Variants in CRLF1 observed in about 807,000 individuals in gnomAD.
The protein encoded by CRLF1 is cytokine receptor like factor 1.
CRLF1 carries 36 observed loss-of-function variants against 48.9 expected under a neutral mutation model. The ratio of observed to expected loss-of-function variants is 0.74; its 90% CI spans 0.56 to 0.97. The LOEUF is 0.97. Ranked by LOEUF, CRLF1 falls within the 50% of genes least tolerant of loss-of-function variation. The pLI, the probability that CRLF1 is intolerant of heterozygous loss-of-function variation, is 0.00. For missense variants in CRLF1, 534 were observed against 575.1 expected (o/e 0.93, Z 0.73); for synonymous variants, 256 against 253.4 (o/e 1.01, Z -0.10).
chr19:18,603,772 C>G (rs548642421), intron 1 of CRLF1, among the ~76,000 whole-genome samples: 1 of 152,138 alleles, frequency 6.6e-6, no homozygotes, highest in Non-Finnish European at 1.5e-5. Context: ...GGCTCTGTCT[C>G]GCTGGAGCCT....
chr19:18,603,619 A>G (rs1009046661), intron 1 of CRLF1, among the ~76,000 whole-genome samples: 1 of 152,204 alleles, frequency 6.6e-6, no homozygotes, highest in African/African-American at 2.4e-5. Context: ...GCAGCCAAGG[A>G]CAGGGTGATC....
intron 1 of CRLF1, among the ~76,000 whole-genome samples, chr19:18,604,554 G>A (rs1230544505): frequency 6.6e-6 from 1 of 152,196 alleles, no homozygotes; most frequent in Non-Finnish European, 1.5e-5. Context: ...GAAGCCCCCA[G>A]GAGCTGCAAA....
At chr19:18,604,713 T>G (rs1308665798) in intron 1 of CRLF1, among the ~76,000 whole-genome samples, 1 of 151,768 alleles carries the variant, frequency 6.6e-6, no homozygotes, top group Non-Finnish European at 1.5e-5. Flanking sequence ...TGAGCCGGAG[T>G]TGGTGGGGGC....
rs770690590 is a variant in CRLF1 at position 18,598,544 on chromosome 19, G to A, written c.585C>T (p.Cys195=). The A allele has an allele frequency of 1.8e-5, 29 of 1,613,974 alleles. No homozygotes were observed. Among genetic ancestry groups the A allele is most frequent in the East Asian group, 2.2e-5 (1 of 44,898 alleles). ...EEYHTVGPHS[C]HIPKDLALFT... ...AGAGAGCCAGGTCCTTGGGGATGTG[G>A]CAGGAGTGGGGCCCCACTGTGTGGT... The change falls in exon 4 of 9, where the codon TGC becomes TGT. Residue 195 remains cysteine (C), a synonymous_variant. Transcript: ENST00000392386.
intron 1 of CRLF1, 93 bp from the exon 2 acceptor site, chr19:18,599,939 A>G (rs1232816282): frequency 1.6e-6 from 2 of 1,285,532 alleles, no homozygotes; most frequent in Non-Finnish European, 2.1e-6. Context: ...GTGGTCCTGA[A>G]AAGACGCTGT....
intron 1 of CRLF1, among the ~76,000 whole-genome samples, chr19:18,602,834 C>T (rs1312846400): frequency 1.3e-5 from 2 of 150,630 alleles, no homozygotes; most frequent in African/African-American, 2.4e-5. Context: ...GGCTGGAGTG[C>T]AGTGGCACAA....
At chr19:18,596,191 C>G (rs1015949415) in intron 6 of CRLF1, among the ~76,000 whole-genome samples, 2 of 152,036 alleles carry the variant, frequency 1.3e-5, no homozygotes, top group African/African-American at 4.8e-5. Flanking sequence ...GATCCAAGGG[C>G]CACATTCAGC....
chr19:18,595,534 G>T (rs941725079), intron 6 of CRLF1, among the ~76,000 whole-genome samples: 1 of 152,200 alleles, frequency 6.6e-6, no homozygotes, highest in Non-Finnish European at 1.5e-5. Flanking sequence ...CCTCACCTGA[G>T]AAAAAGCGGC....
In CRLF1 at chr19:18,594,395, C is replaced by A. The variant is rs776416499; in HGVS notation, c.1064G>T (p.Gly355Val). 1.3e-6 allele frequency: 2 copies of A among 1,576,258 alleles called. No individual in the cohort carries two copies. The highest frequency in any genetic ancestry group is 1.7e-6 in the Non-Finnish European group (2 of 1,159,972). ...GPGGGACEPR[G>V]GEPSSGPVRR... Reference sequence around the variant, plus strand: ...CACCGGCCCCGAGCTCGGCTCTCCGCCCCGCGGTTCGCACGCCCCGCCGCC... The same window carrying A: ...CACCGGCCCCGAGCTCGGCTCTCCGACCCGCGGTTCGCACGCCCCGCCGCC... The change falls in exon 7 of 9, where the codon GGC becomes GTC. Residue 355 changes from glycine to valine, a missense_variant. Gly to Val is a moderately radical substitution (Grantham distance 109). Transcript: ENST00000392386.
Position 18,606,506 on chromosome 19 carries a change from TGGCAGGGGGGAAGGAGTGG to T in CRLF1, c.115+17_115+35del, listed in dbSNP as rs1976298586. 2 of 1,124,628 alleles carry T rather than the reference TGGCAGGGGGGAAGGAGTGG, an allele frequency of 1.8e-6. No homozygotes were observed. The highest frequency in any genetic ancestry group is 3.3e-5 in the African/African-American group (2 of 60,340). 69.7% of individuals were successfully genotyped at this position (1,124,628 alleles called of 1,614,324 possible). A position where few individuals can be genotyped will look rare whatever the true frequency, so the allele number is the denominator to read the frequency against. The stretch of plus-strand genomic sequence containing the variant: ...CCCCCGGGGCGCCCGCCCTCTGCTC[TGGCAGGGGGGAAGGAGTGG>T]GGCGCCGGGTACTCACGGGCTCCTG... On this transcript the variant is annotated intron_variant, in intron 1 of 8. Transcript: ENST00000392386. The surrounding 1 kb of genome is among the most constrained non-coding windows in gnomAD (Gnocchi z 4.8).
chr19:18,595,978 T>TG, intron 6 of CRLF1, among the ~76,000 whole-genome samples: 1 of 152,092 alleles, frequency 6.6e-6, no homozygotes, highest in South Asian at 2.1e-4. Context: ...ACAGACCAGA[T>TG]GGGGATGGGC....
intron 1 of CRLF1, among the ~76,000 whole-genome samples, chr19:18,602,783 C>CT (rs796747894): frequency 1.0e-3 from 151 of 145,762 alleles, no homozygotes; most frequent in Admixed American, 1.8e-3. Context: ...CAGTGTTCTA[C>CT]TTTTTTTTTT....
chr19:18,594,032 T>TTGGGGGGGC, intron 8 of CRLF1, 33 bp downstream of exon 8: 2 of 695,814 alleles, frequency 2.9e-6, no homozygotes, highest in Non-Finnish European at 4.4e-6. Flanking sequence ...CTCCCCTTGC[T>TTGGGGGGGC]CCCTCCCGCC....
chr19:18,599,464 C>G, intron 2 of CRLF1, 101 bp downstream of exon 2: 2 of 1,528,886 alleles, frequency 1.3e-6, no homozygotes, highest in African/African-American at 1.4e-5. Context: ...AGTGTGCCCA[C>G]AGCTCATCCC....
rs1976301447 is a variant in CRLF1, at chr19:18,606,639, C to T, written c.18G>A (p.Arg6=). 1 of 926,380 alleles carries T rather than the reference C, an allele frequency of 1.1e-6. No individual in the cohort carries two copies. Among genetic ancestry groups the T allele is most frequent in the African/African-American group, 1.8e-5 (1 of 55,410 alleles). The allele number at this position is 926,380 out of a possible 1,614,324, so 57.4% of individuals were successfully genotyped here. A position where few individuals can be genotyped will look rare whatever the true frequency, so the allele number is the denominator to read the frequency against. ...GCCGCGCGGATTGGGCGGCGGGGCCCCGGCGGCCGGCGGGCATGGGGCCGG... is the reference window on the plus strand; with the variant it reads ...GCCGCGCGGATTGGGCGGCGGGGCCTCGGCGGCCGGCGGGCATGGGGCCGG... The part of the protein sequence containing the change: MPAGR[R]GPAAQSARRP... The change falls in exon 1 of 9, where the codon CGG becomes CGA. Residue 6 remains arginine (R), a synonymous_variant. Coordinates refer to ENST00000392386, the MANE Select transcript of CRLF1 (RefSeq NM_004750.5). The surrounding 1 kb of genome is among the most constrained non-coding windows in gnomAD (Gnocchi z 4.8).
At position 18,593,375 on chromosome 19, in the gene CRLF1, C is replaced by A. The variant is rs889759448; in HGVS notation, c.*191G>T. ...CCAACCCTCACACACACACACACACCCACTGGGGTGCACCCAAAGGTGGCC... is the reference window on the plus strand; with the variant it reads ...CCAACCCTCACACACACACACACACACACTGGGGTGCACCCAAAGGTGGCC... On this transcript the variant is annotated 3_prime_UTR_variant, in exon 9 of 9. Coordinates refer to ENST00000392386, the MANE Select transcript of CRLF1 (RefSeq NM_004750.5). 15 of 704,604 alleles carry A rather than the reference C, an allele frequency of 2.1e-5. No individual in the cohort carries two copies. The highest frequency in any genetic ancestry group is 3.7e-5 in the South Asian group (2 of 53,798). The allele number at this position is 704,604 out of a possible 1,614,324, so 43.6% of individuals were successfully genotyped here.
chr19:18,598,422 G>A lies in CRLF1; in HGVS notation c.697+10C>T. 6.2e-7 allele frequency: 1 copy of A among 1,608,490 alleles called. No homozygotes were observed. Among genetic ancestry groups the A allele is most frequent in the African/African-American group, 1.3e-5 (1 of 74,968 alleles). On this transcript the variant is annotated intron_variant, in intron 4 of 8. Coordinates refer to ENST00000392386, the MANE Select transcript of CRLF1 (RefSeq NM_004750.5). ...CCGAGGGAGGGGCCTAGCAGACACT[G>A]GGGGCTCACCCACATCCAGGATATC...
chr19:18,597,164 T>A, intron 4 of CRLF1, 115 bp from the exon 5 acceptor site: 1 of 1,085,210 alleles, frequency 9.2e-7, no homozygotes, highest in Non-Finnish European at 1.3e-6. Flanking sequence ...TTCCTCCTCT[T>A]CCCTCTGCCC....
In CRLF1 at chr19:18,594,379, C is replaced by G. The variant is rs748177094; in HGVS notation, c.1080G>C (p.Ser360=). 17 of 1,602,506 alleles carry G rather than the reference C, an allele frequency of 1.1e-5. No individual in the cohort carries two copies. The highest frequency in any genetic ancestry group is 1.7e-5 in the Admixed American group (1 of 59,136). The change falls in exon 7 of 9, where the codon TCG becomes TCC. Residue 360 remains serine (S), a synonymous_variant. Coordinates refer to ENST00000392386, the MANE Select transcript of CRLF1 (RefSeq NM_004750.5). ...ACEPRGGEPS[S]GPVRRELKQF... ...GCTTGAGCTCGCGCCGCACCGGCCC[C>G]GAGCTCGGCTCTCCGCCCCGCGGTT...
Sources: allele counts gnomAD v4.1 joint callset (sites outside exome capture counted in the v4.1 genomes callset), GRCh38; gene constraint gnomAD v4.1.1; non-coding constraint Gnocchi (gnomAD v3.1); transcripts MANE v1.5; gene names NCBI Gene and HGNC (gene_info 2026-07-23, HGNC 2026-07-21).